Variants in HDDC2 observed in about 807,000 individuals in gnomAD.
The protein encoded by HDDC2 is HD domain containing 2.
HDDC2 carries 25 observed loss-of-function variants against 25.5 expected under a neutral mutation model. The ratio of observed to expected loss-of-function variants is 0.98; its 90% CI spans 0.72 to 1.37. The LOEUF (loss-of-function observed/expected upper bound fraction) is 1.37. Among genes scored for constraint, HDDC2 ranks in the 40% most tolerant of loss-of-function variants. The pLI is 0.00. For missense variants in HDDC2, 264 were observed against 253.1 expected, an observed-to-expected ratio of 1.04 and a Z score of -0.29; for synonymous variants, 106 against 89.7, an observed-to-expected ratio of 1.18 and a Z score of -1.03.
chr6:125,287,945 G>A (rs544847329), intron 4 of HDDC2, among the ~76,000 whole-genome samples: 6 of 152,296 alleles, frequency 3.9e-5, no homozygotes, highest in East Asian at 1.9e-4. Flanking sequence ...GCCGAAGGCC[G>A]GCTGTGACCT....
chr6:125,293,172 T>C (rs1285278259), intron 3 of HDDC2: 1 of 520,410 alleles, frequency 1.9e-6, no homozygotes, highest in Non-Finnish European at 3.5e-6. Context: ...AAAAGGACAA[T>C]GAGGAGGTCA....
intron 4 of HDDC2, among the ~76,000 whole-genome samples, chr6:125,281,593 G>C (rs1452165656): frequency 1.3e-5 from 2 of 151,990 alleles, no homozygotes; most frequent in Non-Finnish European, 2.9e-5. Flanking sequence ...TCAATCAAGG[G>C]GAAGAAAGCA....
At chr6:125,301,428 A>C (rs968088768) in intron 1 of HDDC2, among the ~76,000 whole-genome samples, 2 of 129,800 alleles carry the variant, frequency 1.5e-5, no homozygotes, top group African/African-American at 6.6e-5. Context: ...CCGTGCTCAG[A>C]AGCAGCCGCG....
intron 3 of HDDC2, among the ~76,000 whole-genome samples, chr6:125,297,903 C>A (rs191797017): frequency 6.6e-6 from 1 of 152,272 alleles, no homozygotes; most frequent in African/African-American, 2.4e-5. Flanking sequence ...TTATTCATTT[C>A]TTTCTAATAC....
Position 125,276,956 on chromosome 6 carries a change from A to G in HDDC2, c.517+146T>C, listed in dbSNP as rs146391615. On this transcript the variant is annotated intron_variant, in intron 5 of 5. Coordinates refer to ENST00000398153, the MANE Select transcript of HDDC2 (RefSeq NM_016063.3). ...TTTCCTATCCTCAGCCTCTTACCCG[A>G]ATGTTTCCTTCCCTTTCTTTTTAGA... 4.2e-4 allele frequency: 323 copies of G among 761,898 alleles called. 2 individuals are homozygous for G. The African/African-American group carries it at 5.1e-3, about 12-fold the overall frequency. 47.2% of individuals were successfully genotyped at this position (761,898 alleles called of 1,614,324 possible). A position where few individuals can be genotyped will look rare whatever the true frequency, so the allele number is the denominator to read the frequency against.
chr6:125,292,973 AACAG>A (rs754943461), intron 3 of HDDC2, 64 bp from the exon 4 acceptor site: 38 of 1,283,280 alleles, frequency 3.0e-5, no homozygotes, highest in Non-Finnish European at 4.1e-5. Flanking sequence ...ACCACTCTGC[AACAG>A]ACAAATAGGT....
intron 4 of HDDC2, among the ~76,000 whole-genome samples, chr6:125,291,984 ACT>A (rs1798638600): frequency 1.3e-5 from 2 of 152,002 alleles, no homozygotes; most frequent in East Asian, 4.0e-4. Flanking sequence ...AAGACATGAA[ACT>A]CTGCCAGCTT....
chr6:125,292,967 C>T (rs1282369626), intron 3 of HDDC2, 58 bp from the exon 4 acceptor site: 6 of 1,326,100 alleles, frequency 4.5e-6, no homozygotes, highest in South Asian at 3.5e-5. Flanking sequence ...TTAACAACCA[C>T]TCTGCAACAG....
chr6:125,276,938 T>C (rs1798378662), intron 5 of HDDC2, 164 bp downstream of exon 5: 3 of 658,932 alleles, frequency 4.6e-6, no homozygotes, highest in Non-Finnish European at 7.8e-6. Flanking sequence ...TTATTTCCTA[T>C]CCTCAGCCTC....
intron 4 of HDDC2, among the ~76,000 whole-genome samples, chr6:125,285,310 TA>T (rs200142771): frequency 1.0e-4 from 15 of 148,444 alleles, no homozygotes; most frequent in Non-Finnish European, 1.9e-4. Flanking sequence ...ACTTAAAGTA[TA>T]AAAAAAAAGA....
chr6:125,301,673 G>A (rs1039203513), intron 1 of HDDC2, among the ~76,000 whole-genome samples, 176 bp downstream of exon 1: 5 of 152,146 alleles, frequency 3.3e-5, no homozygotes, highest in African/African-American at 1.2e-4. Flanking sequence ...TGCTTCCTCC[G>A]TCCACCGTCG....
At chr6:125,282,399 C>G (rs1798472679) in intron 4 of HDDC2, among the ~76,000 whole-genome samples, 1 of 151,598 alleles carries the variant, frequency 6.6e-6, no homozygotes, top group Admixed American at 6.6e-5. Flanking sequence ...CTCAGAATTT[C>G]ATAACCAGCC....
intron 1 of HDDC2, among the ~76,000 whole-genome samples, 161 bp from the exon 2 acceptor site, chr6:125,300,820 G>A (rs888901439): frequency 6.6e-6 from 1 of 152,062 alleles, no homozygotes; most frequent in African/African-American, 2.4e-5. Flanking sequence ...ATAGACATCT[G>A]GAATCAAATG....
rs1294837020 is a variant in HDDC2, at chr6:125,277,091, G to C, written c.517+11C>G. 6.2e-7 allele frequency: 1 copy of C among 1,613,586 alleles called. No individual in the cohort carries two copies. Among genetic ancestry groups the C allele is most frequent in the Admixed American group, 1.7e-5 (1 of 59,972 alleles). On this transcript the variant is annotated intron_variant, in intron 5 of 5. Coordinates refer to ENST00000398153, the MANE Select transcript of HDDC2 (RefSeq NM_016063.3). ...CTAAAATGGACTCTTGTTGAAAATG[G>C]TGTTGAGTACCTGCTGTGGAATCAT...
chr6:125,298,909 T>C, intron 2 of HDDC2, 93 bp from the exon 3 acceptor site: 1 of 756,182 alleles, frequency 1.3e-6, no homozygotes. Context: ...AATATATATA[T>C]TTTTTCTCCA....
At chr6:125,301,481 A>AGCAC (rs1554222389) in intron 1 of HDDC2, among the ~76,000 whole-genome samples, 3 of 101,540 alleles carry the variant, frequency 3.0e-5, no homozygotes, top group African/African-American at 1.8e-4. Flanking sequence ...TGGGGTCGTG[A>AGCAC]GCACACACAC....
intron 4 of HDDC2, among the ~76,000 whole-genome samples, chr6:125,280,890 C>T (rs185777822): frequency 5.2e-4 from 79 of 152,324 alleles, no homozygotes; most frequent in Non-Finnish European, 1.0e-3. Context: ...CTCTCCCTGA[C>T]CTCCATGCTT....
intron 4 of HDDC2, among the ~76,000 whole-genome samples, chr6:125,283,198 C>A (rs1306821291): frequency 2.6e-5 from 4 of 152,198 alleles, no homozygotes; most frequent in African/African-American, 9.6e-5. Context: ...GACAAACCCA[C>A]AGCCAATATC....
At chr6:125,300,787 G>A (rs561405175) in intron 1 of HDDC2, 128 bp from the exon 2 acceptor site, 64 of 920,324 alleles carry the variant, frequency 7.0e-5, no homozygotes, top group Non-Finnish European at 9.5e-5. Context: ...ATTACAAAAT[G>A]TTTTGCTAAA....
Sources: gnomAD v4.1 joint callset for allele counts (sites outside exome capture counted in the v4.1 genomes callset) on GRCh38, gnomAD v4.1.1 for gene constraint, MANE v1.5 for transcripts, NCBI Gene and HGNC (gene_info 2026-07-23, HGNC 2026-07-21) for gene names.